The following TUT4 variants were observed in gnomAD, a reference collection of about 807,000 sequenced individuals.
The protein encoded by TUT4 is terminal uridylyltransferase 4.
TUT4 carries 36 observed loss-of-function variants against 192.2 expected under a neutral mutation model. That is an observed-to-expected ratio of 0.19 (90% CI 0.14 to 0.25). The LOEUF is 0.25. TUT4 is among the 10% of genes least tolerant of loss of function. TUT4 has a pLI of 1.00. For missense variants in TUT4, 1,493 were observed against 1,957.2 expected, an observed-to-expected ratio of 0.76 and a Z score of 4.47; for synonymous variants, 618 against 666.0, an observed-to-expected ratio of 0.93 and a Z score of 1.11.
At position 52,493,680 on chromosome 1, in the gene TUT4, A is replaced by T. The variant is rs766577916; in HGVS notation, c.1267-18T>A. The stretch of plus-strand genomic sequence containing the variant: ...TGATTCATCTAAAAAAGTTTCAAAA[A>T]TAAATCGATATACTAATTTCAAAGT... On this transcript the variant is annotated intron_variant, in intron 6 of 29. Transcript: ENST00000257177. 1.3e-4 allele frequency: 185 copies of T among 1,442,778 alleles called. 1 individual carries two copies. The highest frequency in any genetic ancestry group is 1.7e-4 in the Non-Finnish European group (176 of 1,051,266). The allele number at this position is 1,442,778 out of a possible 1,614,324, so 89.4% of individuals were successfully genotyped here.
chr1:52,489,050 G>C lies in TUT4; in HGVS notation c.1389-15C>G, dbSNP rs772987714. ...AAAGTAAACCACTGTGAATGAGAAA[G>C]AAACAAATTTCATTGTATTAATACC... On this transcript the variant is annotated splice_polypyrimidine_tract_variant and intron_variant, in intron 8 of 29. Coordinates refer to ENST00000257177, the MANE Select transcript of TUT4 (RefSeq NM_001009881.3). 1.9e-6 allele frequency: 3 copies of C among 1,601,932 alleles called. No individual in the cohort carries two copies. The highest frequency in any genetic ancestry group is 2.6e-6 in the Non-Finnish European group (3 of 1,176,410).
At chr1:52,516,112 TA>T in intron 2 of TUT4, 58 bp from the exon 3 acceptor site, 1 of 1,365,144 alleles carries the variant, frequency 7.3e-7, no homozygotes, top group South Asian at 1.3e-5. Flanking sequence ...TTAAATTTTT[TA>T]ATGGAAAACA....
At chr1:52,511,948 A>G (rs1677277245) in intron 3 of TUT4, among the ~76,000 whole-genome samples, 1 of 152,158 alleles carries the variant, frequency 6.6e-6, no homozygotes, top group African/African-American at 2.4e-5. Context: ...ATGTTGGCTT[A>G]GTTCAAGGTG....
chr1:52,453,529 T>TAA (rs200257019), intron 20 of TUT4, among the ~76,000 whole-genome samples: 5 of 141,520 alleles, frequency 3.5e-5, no homozygotes, highest in African/African-American at 5.2e-5. Flanking sequence ...CATTCATGAT[T>TAA]AAAAAAAAAA....
At chr1:52,499,085 G>A (rs993299462) in intron 4 of TUT4, among the ~76,000 whole-genome samples, 8 of 150,850 alleles carry the variant, frequency 5.3e-5, no homozygotes, top group Non-Finnish European at 1.2e-4. Context: ...GCTGCAAAAC[G>A]TACTACAAAG....
chr1:52,439,663 C>T (rs1404727687), intron 24 of TUT4, among the ~76,000 whole-genome samples: 1 of 152,190 alleles, frequency 6.6e-6, no homozygotes, highest in African/African-American at 2.4e-5. Flanking sequence ...AACTAGAACA[C>T]ATATGTATTG....
rs926999024 is a variant in TUT4 at position 52,425,183 on chromosome 1, A to G, written c.4870+166T>C. On this transcript the variant is annotated intron_variant, in intron 29 of 29. Transcript: ENST00000257177. ...ATAAAGTGTGCATCAAGTAATGGAG[A>G]TTTTGTTTTACAAGCACCTAGCACC... is the stretch of plus-strand genomic sequence containing the variant. 13 of 720,698 alleles carry G rather than the reference A, an allele frequency of 1.8e-5. No homozygotes were observed. In the African/African-American group the frequency reaches 2.3e-4, roughly 13 times the overall value. The allele number at this position is 720,698 out of a possible 1,614,324, so 44.6% of individuals were successfully genotyped here.
intron 12 of TUT4, among the ~76,000 whole-genome samples, chr1:52,476,582 T>A (rs1052833671): frequency 1.3e-5 from 2 of 152,146 alleles, no homozygotes; most frequent in Non-Finnish European, 2.9e-5. Context: ...TTTTTGCTGC[T>A]ATCTAAATCC....
At chr1:52,503,753 T>A (rs140902050) in intron 4 of TUT4, among the ~76,000 whole-genome samples, 1 of 152,312 alleles carries the variant, frequency 6.6e-6, no homozygotes, top group African/African-American at 2.4e-5. Flanking sequence ...ATTATCACAT[T>A]TTCAACTACC....
intron 20 of TUT4, among the ~76,000 whole-genome samples, chr1:52,447,599 T>C (rs1347743990): frequency 6.6e-6 from 1 of 152,176 alleles, no homozygotes; most frequent in Non-Finnish European, 1.5e-5. Context: ...ACGCTATTTT[T>C]ACAAGAAAAG....
At chr1:52,466,453 G>GAA (rs1477449195) in intron 15 of TUT4, among the ~76,000 whole-genome samples, 1 of 151,462 alleles carries the variant, frequency 6.6e-6, no homozygotes. Context: ...GACCTGCTTG[G>GAA]AAAACATGGT....
At chr1:52,536,891 C>T (rs1025222615) in intron 1 of TUT4, among the ~76,000 whole-genome samples, 5 of 151,476 alleles carry the variant, frequency 3.3e-5, no homozygotes, top group Non-Finnish European at 4.4e-5. Flanking sequence ...ATAGGCCGGG[C>T]GCGGTGGCTC....
intron 24 of TUT4, among the ~76,000 whole-genome samples, chr1:52,442,249 A>G (rs959848719): frequency 3.3e-5 from 5 of 152,074 alleles, no homozygotes; most frequent in Non-Finnish European, 5.9e-5. Flanking sequence ...GACAGAAGAC[A>G]GCTGATGGAT....
At chr1:52,546,892 G>A (rs1000186647) in intron 1 of TUT4, among the ~76,000 whole-genome samples, 2 of 152,086 alleles carry the variant, frequency 1.3e-5, no homozygotes, top group Non-Finnish European at 2.9e-5. Context: ...GGCACTTTCG[G>A]AGGCTGAGGA....
At chr1:52,480,962 A>G (rs1012501695) in intron 11 of TUT4, among the ~76,000 whole-genome samples, 2 of 152,218 alleles carry the variant, frequency 1.3e-5, no homozygotes, top group Non-Finnish European at 2.9e-5. Flanking sequence ...AAGCTTCTGA[A>G]GGACATAATC....
chr1:52,504,979 T>C (rs1675140358), intron 4 of TUT4, among the ~76,000 whole-genome samples: 1 of 152,232 alleles, frequency 6.6e-6, no homozygotes, highest in Admixed American at 6.5e-5. Flanking sequence ...TATTCATCCA[T>C]CAATGGATAT....
chr1:52,463,691 G>C lies in TUT4; in HGVS notation c.3069+1379C>G, dbSNP rs1359714590. On this transcript the variant is annotated intron_variant, in intron 16 of 29. Coordinates refer to ENST00000257177, the MANE Select transcript of TUT4 (RefSeq NM_001009881.3). ...AGGATACCCTCCTTTGCTAGTTGCT[G>C]TTGAGAAGGCCTGGGACACTTCTTC... The C allele has an allele frequency of 2.3e-6, 3 of 1,304,250 alleles. No homozygotes were observed. The African/African-American group carries it at 4.5e-5, about 20-fold the overall frequency. 80.8% of individuals were successfully genotyped at this position (1,304,250 alleles called of 1,614,324 possible).
intron 1 of TUT4, among the ~76,000 whole-genome samples, chr1:52,529,110 C>A (rs1480045161): frequency 1.3e-5 from 2 of 151,930 alleles, no homozygotes; most frequent in Non-Finnish European, 1.5e-5. Flanking sequence ...GTTCTTCTTT[C>A]TAAATTATTA....
chr1:52,469,428 C>A (rs1027705324), intron 14 of TUT4, among the ~76,000 whole-genome samples: 1 of 152,024 alleles, frequency 6.6e-6, no homozygotes, highest in Non-Finnish European at 1.5e-5. Flanking sequence ...GTTAACAGTT[C>A]TGATACTGCT....
Sources: allele counts gnomAD v4.1 joint callset (sites outside exome capture counted in the v4.1 genomes callset), GRCh38; gene constraint gnomAD v4.1.1; transcripts MANE v1.5; gene names NCBI Gene and HGNC (gene_info 2026-07-23, HGNC 2026-07-21).